SLCO5A1: variants seen among roughly 807,000 people sequenced by gnomAD.
The protein encoded by SLCO5A1 is organic anion transporter polypeptide-related protein 4.
A neutral mutation model predicts 65.1 loss-of-function variants in SLCO5A1; 39 were observed. That is an observed-to-expected ratio of 0.60 (90% CI 0.46 to 0.78). The LOEUF is 0.78. Ranked by LOEUF, SLCO5A1 falls within the 30% of genes least tolerant of loss-of-function variation. The pLI is 0.00. For missense variants in SLCO5A1, 1,029 were observed against 1,069.4 expected (o/e 0.96, Z 0.53); for synonymous variants, 438 against 415.7 (o/e 1.05, Z -0.65).
intron 5 of SLCO5A1, among the ~76,000 whole-genome samples, chr8:69,710,814 T>C (rs902989423): frequency 1.9e-4 from 29 of 152,204 alleles, no homozygotes; most frequent in African/African-American, 6.7e-4. Context: ...TGAAGACCCA[T>C]GAAAATGTTC....
In SLCO5A1 at chr8:69,783,123, T is replaced by A. The variant is rs1032743203; in HGVS notation, c.908-21248A>T. 3.9e-5 allele frequency among the ~76,000 whole-genome samples: 6 copies of A among 152,296 alleles called. No individual in the cohort carries two copies. The South Asian group carries it at 6.2e-4, about 16-fold the overall frequency. On this transcript the variant is annotated intron_variant, in intron 2 of 9. Transcript: ENST00000260126. ...ATGTCAGCTATAACAATGATCATTATTGTTACTTCTATTATTATATATAAC... is the reference window on the plus strand; with the variant it reads ...ATGTCAGCTATAACAATGATCATTAATGTTACTTCTATTATTATATATAAC...
At chr8:69,800,324 A>G (rs774589880) in intron 2 of SLCO5A1, among the ~76,000 whole-genome samples, 23 of 150,086 alleles carry the variant, frequency 1.5e-4, no homozygotes, top group Non-Finnish European at 3.0e-4. Flanking sequence ...CACAATCACA[A>G]ATCACTGCAG....
chr8:69,723,256 T>G (rs573951441), intron 5 of SLCO5A1, among the ~76,000 whole-genome samples: 1 of 152,234 alleles, frequency 6.6e-6, no homozygotes, highest in African/African-American at 2.4e-5. Context: ...CTTTTTTTAT[T>G]TTATTTATTT....
At chr8:69,825,302 T>A (rs572724987) in intron 2 of SLCO5A1, among the ~76,000 whole-genome samples, 1 of 152,050 alleles carries the variant, frequency 6.6e-6, no homozygotes, top group African/African-American at 2.4e-5. Context: ...GAGAAGGAAA[T>A]AAAGGGTATT....
chr8:69,803,928 C>T (rs929848231), intron 2 of SLCO5A1, among the ~76,000 whole-genome samples: 5 of 152,100 alleles, frequency 3.3e-5, no homozygotes, highest in African/African-American at 1.2e-4. Context: ...GGTGACAGAG[C>T]AAGACTCTGT....
At chr8:69,738,387 T>TG (rs1816656381) in intron 4 of SLCO5A1, among the ~76,000 whole-genome samples, 183 bp from the exon 5 acceptor site, 1 of 151,846 alleles carries the variant, frequency 6.6e-6, no homozygotes, top group African/African-American at 2.4e-5. Context: ...TTCTTTTGTT[T>TG]TTTTTTTTTA....
At chr8:69,792,836 G>A (rs1275930461) in intron 2 of SLCO5A1, among the ~76,000 whole-genome samples, 1 of 152,072 alleles carries the variant, frequency 6.6e-6, no homozygotes, top group Non-Finnish European at 1.5e-5. Context: ...TAAAACGGAG[G>A]TAAAAGCACT....
intron 9 of SLCO5A1, among the ~76,000 whole-genome samples, chr8:69,674,863 A>C (rs1348718370): frequency 2.1e-5 from 1 of 48,062 alleles, no homozygotes; most frequent in African/African-American, 7.2e-5. Flanking sequence ...TCTACTAAAA[A>C]AAAAAACAAA....
chr8:69,701,194 T>C (rs1440566669), intron 6 of SLCO5A1, among the ~76,000 whole-genome samples: 1 of 152,086 alleles, frequency 6.6e-6, no homozygotes, highest in African/African-American at 2.4e-5. Context: ...GGATGCAGAT[T>C]CAAAGAAAGC....
intron 6 of SLCO5A1, chr8:69,700,558 C>T (rs1814690204): frequency 6.6e-6 from 1 of 152,092 alleles, no homozygotes; most frequent in Non-Finnish European, 1.5e-5. Context: ...AAGAGCTCAC[C>T]ATGTGCCTAG....
intron 2 of SLCO5A1, among the ~76,000 whole-genome samples, chr8:69,804,098 T>C (rs1175763741): frequency 6.6e-6 from 1 of 152,288 alleles, no homozygotes; most frequent in East Asian, 1.9e-4. Context: ...AAGAGTTGCC[T>C]TCCTTGTGGG....
intron 5 of SLCO5A1, among the ~76,000 whole-genome samples, chr8:69,706,685 C>A (rs1280018600): frequency 6.6e-6 from 1 of 152,212 alleles, no homozygotes; most frequent in East Asian, 1.9e-4. Context: ...GACTTCCCAA[C>A]CTCCAGAACT....
intron 2 of SLCO5A1, among the ~76,000 whole-genome samples, chr8:69,764,647 T>C (rs567647359): frequency 6.6e-6 from 1 of 152,240 alleles, no homozygotes; most frequent in Non-Finnish European, 1.5e-5. Context: ...TCTTTGTTTA[T>C]AGTCTAGACT....
chr8:69,762,170 CT>C (rs1817816628), intron 2 of SLCO5A1, among the ~76,000 whole-genome samples: 5 of 84,554 alleles, frequency 5.9e-5, no homozygotes, highest in African/African-American at 1.9e-4. Flanking sequence ...TTCTTTCTTT[CT>C]TTCTTTCTTT....
At position 69,832,754 on chromosome 8, in the gene SLCO5A1, C is replaced by A; in HGVS notation, c.-81G>T. On this transcript the variant is annotated 5_prime_UTR_variant, in exon 2 of 10. Coordinates refer to ENST00000260126, the MANE Select transcript of SLCO5A1 (RefSeq NM_030958.3). The surrounding 1 kb of genome is among the most constrained non-coding windows in gnomAD (Gnocchi z 4.5). The stretch of plus-strand genomic sequence containing the variant: ...CATCCACCGGCACGAGGGGCCGAAG[C>A]CGGGCCCAGTCAGTCTTGCCCACCT... 1 of 1,476,352 alleles carries A rather than the reference C, an allele frequency of 6.8e-7. No homozygotes were observed. The highest frequency in any genetic ancestry group is 2.2e-5 in the Admixed American group (1 of 45,912). The allele number at this position is 1,476,352 out of a possible 1,614,324, so 91.5% of individuals were successfully genotyped here.
chr8:69,827,751 G>T (rs4738028), intron 2 of SLCO5A1, among the ~76,000 whole-genome samples: 90,929 of 152,096 alleles, frequency 0.6, 29,363 homozygotes, highest in African/African-American at 0.87. Context: ...TATTGGGAAA[G>T]GTCTCACATC....
chr8:69,704,934 G>C, intron 6 of SLCO5A1, 97 bp downstream of exon 6: 2 of 1,111,172 alleles, frequency 1.8e-6, no homozygotes, highest in South Asian at 2.7e-5. Context: ...AGAACAGCTT[G>C]GAGGGAGGGG....
At chr8:69,789,819 T>TA (rs1819193238) in intron 2 of SLCO5A1, among the ~76,000 whole-genome samples, 1 of 152,184 alleles carries the variant, frequency 6.6e-6, no homozygotes, top group Non-Finnish European at 1.5e-5. Flanking sequence ...AAATTTATTT[T>TA]AAAATAATAA....
intron 2 of SLCO5A1, among the ~76,000 whole-genome samples, chr8:69,827,434 A>C (rs1292519983): frequency 6.6e-6 from 1 of 152,226 alleles, no homozygotes; most frequent in African/African-American, 2.4e-5. Context: ...TTTAGTGGCT[A>C]TAAATGCTGC....
Sources: gnomAD v4.1 joint callset for allele counts (sites outside exome capture counted in the v4.1 genomes callset) on GRCh38, gnomAD v4.1.1 for gene constraint, Gnocchi (gnomAD v3.1) non-coding constraint, MANE v1.5 for transcripts, NCBI Gene and HGNC (gene_info 2026-07-23, HGNC 2026-07-21) for gene names.